The following CDH13 variants were observed in gnomAD, a reference collection of about 807,000 sequenced individuals.
CDH13 encodes cadherin-13.
CDH13 carries 24 observed loss-of-function variants against 63.8 expected under a neutral mutation model. The ratio of observed to expected loss-of-function variants is 0.38; its 90% CI spans 0.27 to 0.53. The LOEUF (loss-of-function observed/expected upper bound fraction) is 0.53, where lower values mean the gene tolerates loss of function less well. CDH13 is among the 20% of genes least tolerant of loss of function. The probability of loss-of-function intolerance (pLI) is 0.85; values close to 1 mark genes in which losing one functional copy is unlikely to be tolerated. For synonymous variants in CDH13, 503 were observed against 355.3 expected, an observed-to-expected ratio of 1.42 and a Z score of -4.67; for missense variants, 1,049 against 903.1, an observed-to-expected ratio of 1.16 and a Z score of -2.07.
intron 4 of CDH13, among the ~76,000 whole-genome samples, chr16:83,186,792 C>T (rs1011156328): frequency 1.3e-5 from 2 of 152,078 alleles, no homozygotes; most frequent in Admixed American, 6.5e-5. Flanking sequence ...TCTTGTGAGA[C>T]AAGCCAACTC....
At chr16:83,140,515 G>A (rs1415200995) in intron 4 of CDH13, among the ~76,000 whole-genome samples, 1 of 152,088 alleles carries the variant, frequency 6.6e-6, no homozygotes, top group East Asian at 1.9e-4. Context: ...GTGCAGTGGT[G>A]TGATCTTGGC....
At chr16:83,425,776 T>C (rs2071875363) in intron 6 of CDH13, among the ~76,000 whole-genome samples, 1 of 152,212 alleles carries the variant, frequency 6.6e-6, no homozygotes, top group Non-Finnish European at 1.5e-5. Context: ...TTTCTTCCTT[T>C]GTCTCTTTCT....
intron 13 of CDH13, among the ~76,000 whole-genome samples, chr16:83,790,828 C>G (rs1166529006): frequency 1.3e-5 from 2 of 152,194 alleles, no homozygotes; most frequent in Non-Finnish European, 2.9e-5. Flanking sequence ...TCTAGCACGA[C>G]TTTTATGGTA....
At chr16:83,496,438 G>A (rs2074146194) in intron 7 of CDH13, among the ~76,000 whole-genome samples, 1 of 151,264 alleles carries the variant, frequency 6.6e-6, no homozygotes, top group Non-Finnish European at 1.5e-5. Flanking sequence ...AAATGGTGCT[G>A]GGAAAACTGG....
At chr16:83,242,694 A>G (rs890924251) in intron 5 of CDH13, among the ~76,000 whole-genome samples, 1 of 152,174 alleles carries the variant, frequency 6.6e-6, no homozygotes, top group Non-Finnish European at 1.5e-5. Context: ...TACTTGGGAA[A>G]ATTCCCAGAA....
At chr16:83,540,600 T>A (rs2075280625) in intron 7 of CDH13, among the ~76,000 whole-genome samples, 1 of 152,222 alleles carries the variant, frequency 6.6e-6, no homozygotes, top group South Asian at 2.1e-4. Flanking sequence ...TCTACGTTTG[T>A]CCCTTTGTTC....
chr16:83,531,612 G>T (rs2075085682), intron 7 of CDH13, among the ~76,000 whole-genome samples: 1 of 152,152 alleles, frequency 6.6e-6, no homozygotes, highest in Non-Finnish European at 1.5e-5. Context: ...GTCCCTAAAT[G>T]TAATTACAAA....
At chr16:83,367,923 A>G (rs1041730952) in intron 6 of CDH13, among the ~76,000 whole-genome samples, 2 of 152,160 alleles carry the variant, frequency 1.3e-5, no homozygotes, top group Non-Finnish European at 2.9e-5. Context: ...ATGAATATAG[A>G]ATGCCTTTCC....
chr16:82,762,948 G>A (rs1468096192), intron 1 of CDH13, among the ~76,000 whole-genome samples: 6 of 152,124 alleles, frequency 3.9e-5, no homozygotes, highest in East Asian at 1.9e-4. Context: ...TATGCTTTCC[G>A]GGAGGTACAT....
intron 2 of CDH13, among the ~76,000 whole-genome samples, chr16:82,941,086 G>A (rs1279891809): frequency 2.0e-5 from 3 of 152,132 alleles, no homozygotes; most frequent in Non-Finnish European, 4.4e-5. Flanking sequence ...AAAGACACCA[G>A]TAAAATGAGA....
At chr16:83,014,245 A>C (rs1396725278) in intron 2 of CDH13, among the ~76,000 whole-genome samples, 1 of 151,122 alleles carries the variant, frequency 6.6e-6, no homozygotes, top group Admixed American at 6.6e-5. Context: ...TCCAACCATC[A>C]GATTGGCCAA....
At chr16:82,759,834 G>A (rs979903769) in intron 1 of CDH13, among the ~76,000 whole-genome samples, 1 of 151,832 alleles carries the variant, frequency 6.6e-6, no homozygotes, top group Non-Finnish European at 1.5e-5. Flanking sequence ...CTATCCTGAC[G>A]CACTGCGCCT....
intron 2 of CDH13, among the ~76,000 whole-genome samples, chr16:83,008,761 C>G (rs1331855310): frequency 6.6e-6 from 1 of 152,168 alleles, no homozygotes; most frequent in Admixed American, 6.5e-5. Flanking sequence ...TCCCTCCTTC[C>G]TTTCATCTTC....
intron 3 of CDH13, among the ~76,000 whole-genome samples, chr16:83,054,133 A>G (rs188188334): frequency 2.6e-5 from 4 of 152,344 alleles, no homozygotes; most frequent in Admixed American, 2.6e-4. Context: ...GTAGTAAGCT[A>G]TACCATCTAG....
chr16:82,664,532 G>T (rs151337885), intron 1 of CDH13, among the ~76,000 whole-genome samples: 54 of 152,328 alleles, frequency 3.5e-4, no homozygotes, highest in African/African-American at 1.3e-3. Context: ...ACACCAGTGT[G>T]CCTTTGAAGC....
intron 8 of CDH13, among the ~76,000 whole-genome samples, chr16:83,636,170 T>C (rs116311414): frequency 5.9e-4 from 90 of 152,278 alleles, no homozygotes; most frequent in African/African-American, 2.1e-3. Context: ...TTCTGTCCCA[T>C]TGATCTATGT....
intron 6 of CDH13, among the ~76,000 whole-genome samples, chr16:83,399,534 G>C (rs1021145231): frequency 2.6e-5 from 4 of 152,096 alleles, no homozygotes; most frequent in Non-Finnish European, 4.4e-5. Flanking sequence ...GTGTGACCTT[G>C]ACGATCTTTC....
intron 5 of CDH13, among the ~76,000 whole-genome samples, chr16:83,290,270 C>G (rs1389097103): frequency 6.6e-6 from 1 of 152,194 alleles, no homozygotes; most frequent in Non-Finnish European, 1.5e-5. Flanking sequence ...AAACAATTCA[C>G]TCTTCAGTCC....
At chr16:82,670,643 T>C (rs1288018558) in intron 1 of CDH13, among the ~76,000 whole-genome samples, 2 of 152,168 alleles carry the variant, frequency 1.3e-5, no homozygotes, top group Non-Finnish European at 2.9e-5. Context: ...AGCTAGGCAT[T>C]TGCAATGTTC....
Sources: gnomAD v4.1 joint callset for allele counts (sites outside exome capture counted in the v4.1 genomes callset) on GRCh38, gnomAD v4.1.1 for gene constraint, MANE v1.5 for transcripts, NCBI Gene and HGNC (gene_info 2026-07-23, HGNC 2026-07-21) for gene names.